Variants in CHN1 observed in about 807,000 individuals in gnomAD.
CHN1 encodes the protein N-chimaerin.
Under a neutral mutation model 59.5 loss-of-function variants are expected in CHN1, and 37 were observed. The ratio of observed to expected loss-of-function variants is 0.62; its 90% CI spans 0.48 to 0.82. The LOEUF is 0.82. CHN1 is among the 40% of genes least tolerant of loss of function. The pLI, the probability that CHN1 is intolerant of heterozygous loss-of-function variation, is 0.00. For synonymous variants in CHN1, 206 were observed against 200.4 expected (o/e 1.03, Z -0.24); for missense variants, 469 against 571.0 (o/e 0.82, Z 1.82).
At chr2:174,965,708 C>G (rs1214685687) in intron 1 of CHN1, among the ~76,000 whole-genome samples, 3 of 152,190 alleles carry the variant, frequency 2.0e-5, no homozygotes, top group African/African-American at 7.2e-5. Flanking sequence ...AGTCGCCTTT[C>G]AACCAACTGG....
intron 11 of CHN1, 145 bp from the exon 12 acceptor site, chr2:174,801,957 AT>A: frequency 1.7e-6 from 1 of 606,030 alleles, no homozygotes; most frequent in Non-Finnish European, 2.9e-6. Context: ...TTTGGAAATT[AT>A]TTTTAAGGTT....
intron 5 of CHN1, among the ~76,000 whole-genome samples, chr2:174,899,324 A>C (rs1688316006): frequency 6.6e-6 from 1 of 152,230 alleles, no homozygotes; most frequent in African/African-American, 2.4e-5. Flanking sequence ...AAGCAAAGTG[A>C]AAATAAAAAC....
At chr2:174,907,563 C>T (rs536902725) in intron 5 of CHN1, among the ~76,000 whole-genome samples, 1 of 150,642 alleles carries the variant, frequency 6.6e-6, no homozygotes, top group South Asian at 2.1e-4. Flanking sequence ...TTTGACCCAA[C>T]ATTGCAACTA....
intron 1 of CHN1, among the ~76,000 whole-genome samples, chr2:174,971,803 A>C (rs1161760818): frequency 6.6e-6 from 1 of 152,238 alleles, no homozygotes; most frequent in Non-Finnish European, 1.5e-5. Context: ...TAATAAAGGA[A>C]TGCTAAGTTA....
intron 1 of CHN1, among the ~76,000 whole-genome samples, chr2:174,986,420 T>G (rs1267921750): frequency 3.3e-5 from 5 of 152,008 alleles, no homozygotes; most frequent in Admixed American, 1.3e-4. Context: ...AACCAAAAGT[T>G]TACAGATTAA....
chr2:174,984,491 C>T (rs1178739408), intron 1 of CHN1, among the ~76,000 whole-genome samples: 23 of 151,750 alleles, frequency 1.5e-4, no homozygotes, highest in Admixed American at 1.5e-3. Context: ...GCCTCAGCCT[C>T]CCAAGTAGCT....
In CHN1 at chr2:174,798,828, T is replaced by C. The variant is rs941492071; in HGVS notation, c.*1288A>G. On this transcript the variant is annotated 3_prime_UTR_variant, in exon 13 of 13. Coordinates refer to ENST00000409900, the MANE Select transcript of CHN1 (RefSeq NM_001822.7). ...TCAAAGTTTGAACATGTGTCTTTTATTGTTAAAAATTTGAAAACAGGATGG... is the reference window on the plus strand; with the variant it reads ...TCAAAGTTTGAACATGTGTCTTTTACTGTTAAAAATTTGAAAACAGGATGG... Among the ~76,000 whole-genome samples the C allele has an allele frequency of 2.0e-5, 3 of 152,276 alleles. No individual in the cohort carries two copies. The highest frequency in any genetic ancestry group is 4.4e-5 in the Non-Finnish European group (3 of 68,046).
chr2:174,823,378 T>C (rs1685565821), intron 8 of CHN1, among the ~76,000 whole-genome samples: 1 of 152,186 alleles, frequency 6.6e-6, no homozygotes, highest in Non-Finnish European at 1.5e-5. Flanking sequence ...TTTAGAGTAG[T>C]TTGGGCTGGG....
At chr2:174,881,076 T>C (rs1305188410) in intron 5 of CHN1, among the ~76,000 whole-genome samples, 1 of 151,352 alleles carries the variant, frequency 6.6e-6, no homozygotes, top group Non-Finnish European at 1.5e-5. Flanking sequence ...CGTCTTCAGA[T>C]TGATCTATTT....
intron 5 of CHN1, among the ~76,000 whole-genome samples, chr2:174,891,269 A>G (rs1688041972): frequency 6.6e-6 from 1 of 151,944 alleles, no homozygotes; most frequent in South Asian, 2.1e-4. Context: ...ACTAGAAAAT[A>G]TCTTGAGACA....
intron 1 of CHN1, among the ~76,000 whole-genome samples, chr2:174,988,411 C>T (rs909964887): frequency 6.6e-6 from 1 of 151,384 alleles, no homozygotes; most frequent in Non-Finnish European, 1.5e-5. Flanking sequence ...AACATTTTGG[C>T]CAAGTCTAAG....
At chr2:174,999,647 A>G (rs1691821877) in intron 1 of CHN1, among the ~76,000 whole-genome samples, 1 of 152,212 alleles carries the variant, frequency 6.6e-6, no homozygotes, top group African/African-American at 2.4e-5. Flanking sequence ...ATTCTCAATG[A>G]GTTGAGGAGA....
intron 5 of CHN1, among the ~76,000 whole-genome samples, chr2:174,910,780 G>T (rs1210633468): frequency 6.6e-6 from 1 of 151,724 alleles, no homozygotes; most frequent in Non-Finnish European, 1.5e-5. Flanking sequence ...GGCGCCTGTA[G>T]TCCCAGCTAC....
chr2:174,883,604 C>CA (rs2105339071), intron 5 of CHN1, among the ~76,000 whole-genome samples: 1 of 152,174 alleles, frequency 6.6e-6, no homozygotes, highest in African/African-American at 2.4e-5. Context: ...AGCAGTCAGC[C>CA]AAGGGCCACC....
At chr2:174,846,793 G>T in intron 7 of CHN1, 87 bp downstream of exon 7, 1 of 1,273,198 alleles carries the variant, frequency 7.9e-7, no homozygotes. Flanking sequence ...AGTCATCCTA[G>T]TTTTAAAAAG....
chr2:174,979,879 C>CAAAAA (rs1174235089), intron 1 of CHN1, among the ~76,000 whole-genome samples: 1 of 151,198 alleles, frequency 6.6e-6, no homozygotes, highest in Non-Finnish European at 1.5e-5. Context: ...AACTCCATCT[C>CAAAAA]AAAAACAAAA....
rs1198977496 is a variant in CHN1 at position 174,949,782 on chromosome 2, A to C, written c.58+2382T>G. On this transcript the variant is annotated intron_variant, in intron 2 of 12. Transcript: ENST00000409900. ...GGATTTTTCCACTTGCTTTTAACAT[A>C]GTTTAATTATAAAATTTCCTTGACT... 2.6e-5 allele frequency among the ~76,000 whole-genome samples: 4 copies of C among 152,216 alleles called. No individual in the cohort carries two copies. The East Asian group carries it at 7.7e-4, about 29-fold the overall frequency.
At chr2:174,961,383 G>C (rs1690401902) in intron 1 of CHN1, among the ~76,000 whole-genome samples, 1 of 152,056 alleles carries the variant, frequency 6.6e-6, no homozygotes, top group Non-Finnish European at 1.5e-5. Context: ...CCTGAGGTCG[G>C]GAGTTCAAAA....
At chr2:174,919,238 A>C (rs1688935335) in intron 3 of CHN1, among the ~76,000 whole-genome samples, 1 of 152,236 alleles carries the variant, frequency 6.6e-6, no homozygotes, top group Non-Finnish European at 1.5e-5. Context: ...ACAATAAAGA[A>C]GCTTTAAAAA....
Sources: allele counts gnomAD v4.1 joint callset (sites outside exome capture counted in the v4.1 genomes callset), GRCh38; gene constraint gnomAD v4.1.1; transcripts MANE v1.5; gene names NCBI Gene and HGNC (gene_info 2026-07-23, HGNC 2026-07-21).